Variants in XPR1 observed in about 807,000 individuals in gnomAD.
XPR1 encodes the protein xenotropic and polytropic retrovirus receptor 1, also known as solute carrier family 53 member 1.
A neutral mutation model predicts 87.5 loss-of-function variants in XPR1; 28 were observed. The observed-to-expected ratio is 0.32, with a 90% CI of 0.24 to 0.44. The LOEUF (loss-of-function observed/expected upper bound fraction) is 0.44, where lower values mean the gene tolerates loss of function less well. XPR1 is among the 20% of genes least tolerant of loss of function. The pLI is 1.00. For synonymous variants in XPR1, 300 were observed against 306.1 expected, an observed-to-expected ratio of 0.98 and a Z score of 0.21; for missense variants, 559 against 862.3, an observed-to-expected ratio of 0.65 and a Z score of 4.41.
intron 2 of XPR1, among the ~76,000 whole-genome samples, chr1:180,732,053 C>T (rs908493882): frequency 2.0e-5 from 3 of 152,142 alleles, no homozygotes; most frequent in South Asian, 2.1e-4. Context: ...ATTAGCCAGG[C>T]GTGGTCACGT....
At chr1:180,856,890 T>C (rs1652049904) in intron 11 of XPR1, among the ~76,000 whole-genome samples, 1 of 152,196 alleles carries the variant, frequency 6.6e-6, no homozygotes, top group Non-Finnish European at 1.5e-5. Context: ...TGTTGCATAA[T>C]TTAACTACCA....
intron 7 of XPR1, 51 bp from the exon 8 acceptor site, chr1:180,824,702 C>T: frequency 6.9e-7 from 1 of 1,455,084 alleles, no homozygotes; most frequent in Non-Finnish European, 9.4e-7. Flanking sequence ...ATTATTAATT[C>T]AAGGGAAGTT....
At chr1:180,811,596 A>T in intron 7 of XPR1, 108 bp downstream of exon 7, 1 of 863,114 alleles carries the variant, frequency 1.2e-6, no homozygotes. Flanking sequence ...ACTGAAAGAT[A>T]AATCTATCAG....
chr1:180,838,533 GT>G (rs1651386990), intron 11 of XPR1, among the ~76,000 whole-genome samples: 1 of 152,112 alleles, frequency 6.6e-6, no homozygotes, highest in Non-Finnish European at 1.5e-5. Flanking sequence ...AAAAGTAACA[GT>G]TTAGATAGTA....
At chr1:180,779,809 A>G (rs985206193) in intron 2 of XPR1, among the ~76,000 whole-genome samples, 2 of 151,800 alleles carry the variant, frequency 1.3e-5, no homozygotes, top group Non-Finnish European at 2.9e-5. Context: ...ATTCAAGAAC[A>G]TTTTCATCCC....
chr1:180,826,216 G>A, intron 9 of XPR1, among the ~76,000 whole-genome samples: 1 of 152,144 alleles, frequency 6.6e-6, no homozygotes, highest in East Asian at 1.9e-4. Context: ...AACTCCGGAA[G>A]GGGACTTCTG....
chr1:180,766,203 C>A (rs144332606), intron 2 of XPR1, among the ~76,000 whole-genome samples: 13 of 152,182 alleles, frequency 8.5e-5, no homozygotes, highest in African/African-American at 2.6e-4. Context: ...TGCTATGAGA[C>A]CAATGAGGCA....
At chr1:180,861,486 A>G (rs1424376397) in intron 11 of XPR1, among the ~76,000 whole-genome samples, 1 of 152,184 alleles carries the variant, frequency 6.6e-6, no homozygotes, top group African/African-American at 2.4e-5. Flanking sequence ...ATGTCAGAAC[A>G]CACGAACTAT....
chr1:180,679,025 C>A (rs950180260), intron 1 of XPR1, among the ~76,000 whole-genome samples: 3 of 151,990 alleles, frequency 2.0e-5, no homozygotes, highest in Admixed American at 2.0e-4. Context: ...GAAACCCCGT[C>A]TCTACTAAAA....
At chr1:180,723,771 G>A (rs1658249059) in intron 2 of XPR1, among the ~76,000 whole-genome samples, 1 of 151,752 alleles carries the variant, frequency 6.6e-6, no homozygotes. Context: ...TTATTATATT[G>A]AATTAACAAT....
intron 11 of XPR1, among the ~76,000 whole-genome samples, chr1:180,854,318 C>G (rs1004846198): frequency 2.0e-5 from 3 of 152,210 alleles, no homozygotes; most frequent in African/African-American, 7.2e-5. Flanking sequence ...GAATTTATCC[C>G]CAGTGGGGTT....
intron 2 of XPR1, among the ~76,000 whole-genome samples, chr1:180,710,855 G>C (rs937852041): frequency 6.6e-6 from 1 of 151,492 alleles, no homozygotes; most frequent in African/African-American, 2.4e-5. Flanking sequence ...TCCCGAACGG[G>C]GCAGCTGGCC....
chr1:180,659,339 C>T (rs1306291925), intron 1 of XPR1, among the ~76,000 whole-genome samples: 1 of 124,066 alleles, frequency 8.1e-6, no homozygotes, highest in Non-Finnish European at 1.7e-5. Context: ...TTCCTTCCTT[C>T]CGTCCTTCCT....
At chr1:180,657,526 G>C (rs1481078603) in intron 1 of XPR1, among the ~76,000 whole-genome samples, 1 of 152,174 alleles carries the variant, frequency 6.6e-6, no homozygotes, top group African/African-American at 2.4e-5. Context: ...AGTTTTCCCA[G>C]TACCACTTAC....
At chr1:180,806,642 A>G in intron 6 of XPR1, 85 bp downstream of exon 6, 1 of 1,263,922 alleles carries the variant, frequency 7.9e-7, no homozygotes, top group Middle Eastern at 2.0e-4. Flanking sequence ...ATCTTAAAAA[A>G]ATTTTCAGCC....
At chr1:180,697,852 T>C (rs1273463324) in intron 2 of XPR1, among the ~76,000 whole-genome samples, 1 of 152,186 alleles carries the variant, frequency 6.6e-6, no homozygotes. Context: ...TTGAGATTTG[T>C]TTTGTGGCCT....
chr1:180,802,590 G>T (rs975057509), intron 3 of XPR1, among the ~76,000 whole-genome samples: 3 of 152,094 alleles, frequency 2.0e-5, no homozygotes, highest in Non-Finnish European at 4.4e-5. Context: ...GGTTTTTAGT[G>T]TATTCACAAG....
chr1:180,732,503 G>A (rs1658590471), intron 2 of XPR1, among the ~76,000 whole-genome samples: 2 of 152,200 alleles, frequency 1.3e-5, no homozygotes, highest in African/African-American at 4.8e-5. Flanking sequence ...ATTGATGTGT[G>A]ATTTTTGACA....
At chr1:180,798,994 T>C (rs1040724844) in intron 3 of XPR1, among the ~76,000 whole-genome samples, 1 of 152,184 alleles carries the variant, frequency 6.6e-6, no homozygotes, top group Non-Finnish European at 1.5e-5. Flanking sequence ...TTCCAGAGCT[T>C]GTTGCTCCTA....
Sources: gnomAD v4.1 joint callset for allele counts (sites outside exome capture counted in the v4.1 genomes callset) on GRCh38, gnomAD v4.1.1 for gene constraint, MANE v1.5 for transcripts, NCBI Gene and HGNC (gene_info 2026-07-23, HGNC 2026-07-21) for gene names.